Variants in NTRK3 observed in about 807,000 individuals in gnomAD.
NTRK3 encodes the protein NT-3 growth factor receptor.
NTRK3 carries 24 observed loss-of-function variants against 91.7 expected under a neutral mutation model. The ratio of observed to expected loss-of-function variants is 0.26; its 90% CI spans 0.19 to 0.37. The LOEUF is 0.37. NTRK3 is among the 10% of genes least tolerant of loss of function. The probability of loss-of-function intolerance (pLI) is 1.00; values close to 1 mark genes in which losing one functional copy is unlikely to be tolerated. For missense variants in NTRK3, 880 were observed against 1,068.9 expected (o/e 0.82, Z 2.46); for synonymous variants, 483 against 404.0 (o/e 1.20, Z -2.34).
intron 17 of NTRK3, among the ~76,000 whole-genome samples, chr15:87,893,638 T>A (rs993514876): frequency 7.2e-5 from 11 of 152,176 alleles, no homozygotes; most frequent in Admixed American, 5.9e-4. Context: ...TTCTACAAGG[T>A]TCTCAGGCTT....
At chr15:87,898,715 G>C (rs942089987) in intron 17 of NTRK3, among the ~76,000 whole-genome samples, 6 of 151,254 alleles carry the variant, frequency 4.0e-5, no homozygotes, top group African/African-American at 1.5e-4. Context: ...GCTGGGTGCT[G>C]TGGCTCACGC....
intron 3 of NTRK3, chr15:88,253,040 G>C (rs904054758): frequency 6.6e-6 from 1 of 152,318 alleles, no homozygotes; most frequent in African/African-American, 2.4e-5. Context: ...AATCAGTTCA[G>C]CACTTGAAGG....
At chr15:88,068,181 C>T (rs1461919042) in intron 13 of NTRK3, among the ~76,000 whole-genome samples, 1 of 152,160 alleles carries the variant, frequency 6.6e-6, no homozygotes, top group Non-Finnish European at 1.5e-5. Context: ...TCTGTTACCC[C>T]AGCACTTTGG....
intron 13 of NTRK3, among the ~76,000 whole-genome samples, chr15:88,120,293 T>C (rs2052559308): frequency 6.6e-6 from 1 of 152,186 alleles, no homozygotes; most frequent in Non-Finnish European, 1.5e-5. Flanking sequence ...ACAGTTACCA[T>C]CTGTTTATGG....
At chr15:87,952,062 G>C (rs2071160542) in intron 14 of NTRK3, among the ~76,000 whole-genome samples, 1 of 152,104 alleles carries the variant, frequency 6.6e-6, no homozygotes, top group Non-Finnish European at 1.5e-5. Flanking sequence ...GGGAGGCAGA[G>C]GTTGCAGTCA....
chr15:87,919,811 T>G (rs28650121), intron 17 of NTRK3, among the ~76,000 whole-genome samples: 1 of 152,226 alleles, frequency 6.6e-6, no homozygotes. Flanking sequence ...AACTGGAGTT[T>G]GTTTTTTTAT....
At chr15:88,206,911 G>A (rs544594899) in intron 3 of NTRK3, among the ~76,000 whole-genome samples, 141 of 152,248 alleles carry the variant, frequency 9.3e-4, no homozygotes, top group African/African-American at 3.3e-3. Flanking sequence ...ACACACCATT[G>A]CCCCTGGTCA....
intron 13 of NTRK3, among the ~76,000 whole-genome samples, chr15:88,112,693 A>G (rs1216929843): frequency 6.6e-6 from 1 of 152,188 alleles, no homozygotes; most frequent in African/African-American, 2.4e-5. Context: ...GCCTGGCTCT[A>G]AGGGCTCTTG....
intron 14 of NTRK3, among the ~76,000 whole-genome samples, chr15:87,983,764 G>T (rs1220705875): frequency 6.6e-6 from 1 of 152,192 alleles, no homozygotes; most frequent in African/African-American, 2.4e-5. Context: ...TGAAATGGAG[G>T]TCAAGATAGT....
chr15:88,035,475 T>C (rs1180785738), intron 13 of NTRK3, among the ~76,000 whole-genome samples: 3 of 152,070 alleles, frequency 2.0e-5, no homozygotes, highest in Non-Finnish European at 4.4e-5. Context: ...AGAGAATACA[T>C]CTCTGGATGA....
intron 16 of NTRK3, among the ~76,000 whole-genome samples, chr15:87,930,163 T>C (rs2068667450): frequency 6.6e-6 from 1 of 151,908 alleles, no homozygotes; most frequent in African/African-American, 2.4e-5. Flanking sequence ...CTTATGGCCA[T>C]AGCAGTGCAC....
At chr15:88,056,504 G>A (rs1257891985) in intron 13 of NTRK3, among the ~76,000 whole-genome samples, 1 of 152,036 alleles carries the variant, frequency 6.6e-6, no homozygotes, top group Non-Finnish European at 1.5e-5. Context: ...TTTCACTTGG[G>A]AACAAAGACA....
chr15:88,167,051 A>G (rs1214066438), intron 5 of NTRK3, among the ~76,000 whole-genome samples: 2 of 152,146 alleles, frequency 1.3e-5, no homozygotes, highest in African/African-American at 2.4e-5. Context: ...TGTGGCCAGC[A>G]TTTCCAAAGC....
intron 13 of NTRK3, among the ~76,000 whole-genome samples, chr15:88,125,214 C>G (rs954988029): frequency 1.3e-5 from 2 of 152,194 alleles, no homozygotes; most frequent in Non-Finnish European, 2.9e-5. Flanking sequence ...GAGAATATAG[C>G]GAAAGCTATG....
chr15:88,200,390 G>C (rs184059201), intron 3 of NTRK3, among the ~76,000 whole-genome samples: 37 of 152,298 alleles, frequency 2.4e-4, no homozygotes, highest in Admixed American at 2.2e-3. Flanking sequence ...TGTTCCTGGA[G>C]AGATTTCCCC....
intron 14 of NTRK3, among the ~76,000 whole-genome samples, chr15:87,986,194 C>T (rs550368818): frequency 1.2e-4 from 18 of 152,294 alleles, no homozygotes; most frequent in Admixed American, 3.3e-4. Flanking sequence ...ATCTTCATTG[C>T]CTTCCTTGTA....
chr15:88,148,074 C>A (rs1477695123), intron 5 of NTRK3, among the ~76,000 whole-genome samples: 1 of 152,200 alleles, frequency 6.6e-6, no homozygotes, highest in African/African-American at 2.4e-5. Flanking sequence ...TTAGACACTG[C>A]TAGAATTGAA....
intron 14 of NTRK3, among the ~76,000 whole-genome samples, chr15:88,008,273 G>A (rs1231971343): frequency 1.3e-5 from 2 of 152,052 alleles, no homozygotes; most frequent in East Asian, 3.8e-4. Context: ...AAGGAAAGTG[G>A]GGCACACCTG....
intron 3 of NTRK3, among the ~76,000 whole-genome samples, chr15:88,186,666 G>C (rs1411532618): frequency 2.0e-5 from 3 of 152,178 alleles, no homozygotes; most frequent in African/African-American, 7.2e-5. Context: ...ATTATATTTT[G>C]TAACACATGA....
Sources: allele counts gnomAD v4.1 joint callset (sites outside exome capture counted in the v4.1 genomes callset), GRCh38; gene constraint gnomAD v4.1.1; transcripts MANE v1.5; gene names NCBI Gene and HGNC (gene_info 2026-07-23, HGNC 2026-07-21).